KLF17: variants seen among roughly 807,000 people sequenced by gnomAD.
KLF17 encodes the protein Krueppel-like factor 17.
A neutral mutation model predicts 34.2 loss-of-function variants in KLF17; 31 were observed. That is an observed-to-expected ratio of 0.91 (90% CI 0.68 to 1.22). KLF17 has a LOEUF of 1.22. Ranked by LOEUF, KLF17 falls within the 50% of genes most tolerant of loss-of-function variation. KLF17 has a pLI of 0.00. For missense variants in KLF17, 478 were observed against 505.2 expected (o/e 0.95, Z 0.52); for synonymous variants, 179 against 186.7 (o/e 0.96, Z 0.34).
Position 44,130,063 on chromosome 1 carries a change from G to A in KLF17, c.792G>A (p.Lys264=), listed in dbSNP as rs76752729. ...QPGPAPQTVE[K]NSRPQEGTGR... ...GACCTGCTCCACAGACAGTAGAGAAGAACTCCAGGCCTCAGGAAGGGACTG... is the reference window on the plus strand; with the variant it reads ...GACCTGCTCCACAGACAGTAGAGAAAAACTCCAGGCCTCAGGAAGGGACTG... The change falls in exon 2 of 4, where the codon AAG becomes AAA. Residue 264 remains lysine (K), a synonymous_variant. Transcript: ENST00000372299. 55 of 1,614,228 alleles carry A rather than the reference G, an allele frequency of 3.4e-5. No individual in the cohort carries two copies. In the East Asian group the frequency reaches 1.2e-3, roughly 35 times the overall value.
the KLF17 span, among the ~76,000 whole-genome samples, chr1:44,112,463 T>C: frequency 6.6e-5 from 10 of 152,266 alleles, no homozygotes; most frequent in African/African-American, 2.4e-4. Flanking sequence ...TGGAGTACAG[T>C]GGCATGAACA....
the KLF17 span, chr1:44,103,461 T>G: frequency 1.2e-6 from 1 of 845,348 alleles, no homozygotes; most frequent in Non-Finnish European, 2.0e-6. Context: ...GCCCAGACCG[T>G]AGCTGAGGCC....
intron 1 of KLF17, among the ~76,000 whole-genome samples, chr1:44,125,420 C>T (rs11210967): frequency 0.3 from 45,804 of 152,122 alleles, 7,702 homozygotes; most frequent in East Asian, 0.45. Context: ...CCCCTATAAG[C>T]GATGAGTCAC....
chr1:44,094,235 C>T, the KLF17 span, among the ~76,000 whole-genome samples: 2 of 151,896 alleles, frequency 1.3e-5, no homozygotes, highest in African/African-American at 2.4e-5. Context: ...CTTATGTATT[C>T]GATTATTAAT....
chr1:44,091,973 T>A, the KLF17 span, among the ~76,000 whole-genome samples: 21 of 141,010 alleles, frequency 1.5e-4, 1 homozygote, highest in South Asian at 9.1e-4. Flanking sequence ...TCTCTCTCTC[T>A]CTCTCTCTCT....
In KLF17 at chr1:44,119,002, C is replaced by A; in HGVS notation, c.81+14C>A. 1 of 1,593,450 alleles carries A rather than the reference C, an allele frequency of 6.3e-7. No individual in the cohort carries two copies. Among genetic ancestry groups the A allele is most frequent in the East Asian group, 2.3e-5 (1 of 43,816 alleles). On this transcript the variant is annotated intron_variant, in intron 1 of 3. Coordinates refer to ENST00000372299, the MANE Select transcript of KLF17 (RefSeq NM_173484.4). ...CAGGCTGCCCAGGTGAGTCAGGTGC[C>A]AGCCCCTGGCAGGCCGGGCGGGCCC... is the stretch of plus-strand genomic sequence containing the variant.
chr1:44,108,517 G>T, the KLF17 span, among the ~76,000 whole-genome samples: 1 of 152,044 alleles, frequency 6.6e-6, no homozygotes, highest in Non-Finnish European at 1.5e-5. Flanking sequence ...ATTTGTGCAG[G>T]GTGGTGAGCT....
At chr1:44,073,942 G>A in the KLF17 span, among the ~76,000 whole-genome samples, 3 of 151,990 alleles carry the variant, frequency 2.0e-5, no homozygotes, top group East Asian at 3.9e-4. Flanking sequence ...TTTCATGAGG[G>A]AAGAGACTTA....
the KLF17 span, among the ~76,000 whole-genome samples, chr1:44,073,066 G>A: frequency 6.6e-6 from 1 of 152,188 alleles, no homozygotes; most frequent in Non-Finnish European, 1.5e-5. Flanking sequence ...ATTGTAACAT[G>A]TTCAAGAGAG....
At chr1:44,090,531 G>C in the KLF17 span, among the ~76,000 whole-genome samples, 1 of 145,942 alleles carries the variant, frequency 6.9e-6, no homozygotes. Flanking sequence ...GGCAGTCCTG[G>C]AAAAACTGTG....
chr1:44,052,290 C>T, the KLF17 span: 3 of 152,254 alleles, frequency 2.0e-5, no homozygotes, highest in Non-Finnish European at 4.4e-5. Flanking sequence ...TTGCAGACCT[C>T]TTCCTGTGTG....
chr1:44,096,647 A>G, the KLF17 span, among the ~76,000 whole-genome samples: 49,222 of 151,648 alleles, frequency 0.32, 8,141 homozygotes, highest in South Asian at 0.38. Flanking sequence ...TGATCCGCTC[A>G]TCTTGGCCTC....
the KLF17 span, chr1:44,061,261 C>G: frequency 6.6e-6 from 1 of 152,238 alleles, no homozygotes; most frequent in African/African-American, 2.4e-5. Context: ...CAGGGCTAGA[C>G]AGGACCAACA....
chr1:44,111,604 GT>G, the KLF17 span, among the ~76,000 whole-genome samples: 13 of 151,658 alleles, frequency 8.6e-5, no homozygotes, highest in South Asian at 2.1e-4. Flanking sequence ...ATACATAACT[GT>G]GGTGCATTTA....
At chr1:44,122,036 T>C in intron 1 of KLF17, 3 of 711,488 alleles carry the variant, frequency 4.2e-6, no homozygotes, top group Non-Finnish European at 7.3e-6. Context: ...TTTATGTCTT[T>C]TCCTTTTTTC....
At chr1:44,053,867 C>T in the KLF17 span, among the ~76,000 whole-genome samples, 98 of 152,268 alleles carry the variant, frequency 6.4e-4, no homozygotes, top group African/African-American at 2.3e-3. Context: ...AGATACTGTC[C>T]GTGAACATGC....
chr1:44,099,887 AAGAAAGAAAGAAAGAAAG>A, the KLF17 span, among the ~76,000 whole-genome samples: 2 of 68,180 alleles, frequency 2.9e-5, no homozygotes, highest in African/African-American at 8.8e-5. Context: ...GAAAGAAAGA[AAGAAAGAAAGAAAGAAAG>A]AAAGAAAGAA....
At chr1:44,090,934 G>GCACA in the KLF17 span, among the ~76,000 whole-genome samples, 4 of 141,250 alleles carry the variant, frequency 2.8e-5, no homozygotes, top group African/African-American at 1.0e-4. Context: ...ACATGCACAC[G>GCACA]CACACACACA....
the KLF17 span, among the ~76,000 whole-genome samples, chr1:44,057,101 C>T: frequency 6.6e-6 from 1 of 151,930 alleles, no homozygotes; most frequent in Non-Finnish European, 1.5e-5. Context: ...TGGTGGTTTA[C>T]AGATGGGAGT....
Sources: gnomAD v4.1 joint callset for allele counts (sites outside exome capture counted in the v4.1 genomes callset) on GRCh38, gnomAD v4.1.1 for gene constraint, MANE v1.5 for transcripts, NCBI Gene and HGNC (gene_info 2026-07-23, HGNC 2026-07-21) for gene names.